FAM167A: variants seen among roughly 807,000 people sequenced by gnomAD.
The protein encoded by FAM167A is protein FAM167A.
In FAM167A, 23 loss-of-function variants were observed where a neutral mutation model predicts 14.9. The observed-to-expected ratio is 1.55, with a 90% CI of 1.11 to 2.19. FAM167A has a LOEUF of 2.19. Ranked by LOEUF, FAM167A falls within the 30% of genes most tolerant of loss-of-function variation. The pLI is 0.00. For missense variants in FAM167A, 401 were observed against 281.5 expected, an observed-to-expected ratio of 1.42 and a Z score of -3.04; for synonymous variants, 174 against 117.7, an observed-to-expected ratio of 1.48 and a Z score of -3.10.
chr8:11,461,311 A>G (rs1426944983), intron 1 of FAM167A, among the ~76,000 whole-genome samples: 3 of 151,928 alleles, frequency 2.0e-5, no homozygotes, highest in East Asian at 3.9e-4. Context: ...TAGCCATGGG[A>G]AAAAAAGAGA....
intron 2 of FAM167A, chr8:11,438,591 G>A (rs544071294): frequency 3.7e-5 from 16 of 431,062 alleles, no homozygotes; most frequent in East Asian, 2.8e-4. Context: ...TGGAAACTTC[G>A]AAAACTATAA....
In FAM167A at chr8:11,426,676, G is replaced by T. The variant is rs541108930; in HGVS notation, c.382-2040C>A. 4.6e-5 allele frequency among the ~76,000 whole-genome samples: 7 copies of T among 152,290 alleles called. No individual in the cohort carries two copies. The East Asian group carries it at 7.7e-4, about 17-fold the overall frequency. On this transcript the variant is annotated intron_variant, in intron 2 of 2. Coordinates refer to ENST00000284486, the MANE Select transcript of FAM167A (RefSeq NM_053279.3). ...GGAGTGGATACTGGGGGAAGAGGAAGAAATTTTTTAAAGGTGTAGGTAGAT... is the reference window on the plus strand; with the variant it reads ...GGAGTGGATACTGGGGGAAGAGGAATAAATTTTTTAAAGGTGTAGGTAGAT...
At chr8:11,472,317 C>A (rs1030432012), upstream of FAM167A, among the ~76,000 whole-genome samples, 4 of 152,068 alleles carry the variant, frequency 2.6e-5, no homozygotes, top group African/African-American at 9.7e-5. Context: ...CTTGTAAGAA[C>A]ATCTTCTAGA....
At position 11,424,090 on chromosome 8, in the gene FAM167A, A is replaced by T; in HGVS notation, c.*283T>A. The T allele has an allele frequency of 2.6e-6, 1 of 391,620 alleles. No homozygotes were observed. Among genetic ancestry groups the T allele is most frequent in the Non-Finnish European group, 4.7e-6 (1 of 213,456 alleles). The allele number at this position is 391,620 out of a possible 1,614,324, so 24.3% of individuals were successfully genotyped here. A position where few individuals can be genotyped will look rare whatever the true frequency, so the allele number is the denominator to read the frequency against. On this transcript the variant is annotated 3_prime_UTR_variant, in exon 3 of 3. Transcript: ENST00000284486. ...CAGGAACGTGACCGTGGAGGGATGG[A>T]TTATGGTGGGAACCCAGGTCTCCTT...
rs977074953 is a variant in FAM167A, at chr8:11,445,469, G to C, written c.-397-661C>G. On this transcript the variant is annotated intron_variant, in intron 1 of 2. Coordinates refer to ENST00000284486, the MANE Select transcript of FAM167A (RefSeq NM_053279.3). ...AATAAACCTGCAGCTGTGGAGGGAAGAAGGCGGTGGCACCTGGGCTGGATG... is the reference window on the plus strand; with the variant it reads ...AATAAACCTGCAGCTGTGGAGGGAACAAGGCGGTGGCACCTGGGCTGGATG... 5 of 985,812 alleles carry C rather than the reference G, an allele frequency of 5.1e-6. No homozygotes were observed. In the South Asian group the frequency reaches 1.9e-4, roughly 37 times the overall value. The allele number at this position is 985,812 out of a possible 1,614,324, so 61.1% of individuals were successfully genotyped here.
Position 11,424,383 on chromosome 8 carries a change from G to A in FAM167A, c.635C>T (p.Ser212Phe), listed in dbSNP as rs1279846866. Reference sequence around the variant, plus strand: ...CAGTCTGAGGGCTCCTCAGCAGAGAGAGAACCTCCGAGAGTTGATGTTCAT... The same window carrying A: ...CAGTCTGAGGGCTCCTCAGCAGAGAAAGAACCTCCGAGAGTTGATGTTCAT... ...TKMNINSRRF[S>F]LC is the part of the protein sequence containing the mutation. Residue 212 changes from serine (S) to phenylalanine (F), a missense_variant, in exon 3 of 3, where the codon TCT (serine) becomes TTT (phenylalanine). Transcript: ENST00000284486. 6.2e-7 allele frequency: 1 copy of A among 1,614,114 alleles called. No individual in the cohort carries two copies. The highest frequency in any genetic ancestry group is 8.5e-7 in the Non-Finnish European group (1 of 1,180,012).
intron 2 of FAM167A, among the ~76,000 whole-genome samples, chr8:11,426,633 T>G (rs1182756700): frequency 6.6e-6 from 1 of 152,146 alleles, no homozygotes; most frequent in Non-Finnish European, 1.5e-5. Flanking sequence ...TTTGAGGGCC[T>G]TAATATTTAA....
At chr8:11,433,555 G>C (rs1805766810) in intron 2 of FAM167A, among the ~76,000 whole-genome samples, 1 of 152,186 alleles carries the variant, frequency 6.6e-6, no homozygotes, top group Admixed American at 6.5e-5. Flanking sequence ...CATCTTTAAA[G>C]CTGGCTTGAG....
intron 1 of FAM167A, among the ~76,000 whole-genome samples, chr8:11,475,172 C>T (rs893346484): frequency 6.6e-6 from 1 of 152,194 alleles, no homozygotes; most frequent in Non-Finnish European, 1.5e-5. Context: ...CAAGGCCCAC[C>T]GTGGTGCCCC....
chr8:11,453,949 A>C (rs1047276659), intron 1 of FAM167A, among the ~76,000 whole-genome samples: 1 of 152,188 alleles, frequency 6.6e-6, no homozygotes, highest in South Asian at 2.1e-4. Flanking sequence ...TACTGCCCAC[A>C]CTCCTTGGGG....
chr8:11,444,444 G>A lies in FAM167A; in HGVS notation c.-33C>T. 1 of 1,513,736 alleles carries A rather than the reference G, an allele frequency of 6.6e-7. No homozygotes were observed. Among genetic ancestry groups the A allele is most frequent in the Non-Finnish European group, 8.8e-7 (1 of 1,132,098 alleles). The allele number at this position is 1,513,736 out of a possible 1,614,324, so 93.8% of individuals were successfully genotyped here. A position where few individuals can be genotyped will look rare whatever the true frequency, so the allele number is the denominator to read the frequency against. ...TCTGCCCTGGCAGCCGGACATGCGA[G>A]GGCACGGGGGGCGCAGGGGGAGGCT... is the stretch of plus-strand genomic sequence containing the variant. On this transcript the variant is annotated 5_prime_UTR_variant, in exon 2 of 3. Transcript: ENST00000284486.
intron 2 of FAM167A, among the ~76,000 whole-genome samples, chr8:11,437,851 C>T (rs1185137018): frequency 1.4e-5 from 2 of 147,774 alleles, no homozygotes; most frequent in African/African-American, 5.4e-5. Flanking sequence ...CGTGGACAGG[C>T]ATGGATCTGG....
At chr8:11,443,168 C>T (rs566376713) in intron 2 of FAM167A, among the ~76,000 whole-genome samples, 1 of 152,298 alleles carries the variant, frequency 6.6e-6, no homozygotes, top group African/African-American at 2.4e-5. Context: ...GTAGGGTTAG[C>T]TTCATGCCTG....
chr8:11,462,215 AAAGGGATGGAGC>A (rs1175114698), intron 1 of FAM167A, among the ~76,000 whole-genome samples: 1 of 152,152 alleles, frequency 6.6e-6, no homozygotes, highest in African/African-American at 2.4e-5. Context: ...GGAGCAGGAG[AAAGGGATGGAGC>A]AAGTTAGAAC....
intron 2 of FAM167A, 114 bp from the exon 3 acceptor site, chr8:11,424,750 A>G: frequency 7.1e-7 from 1 of 1,412,446 alleles, no homozygotes; most frequent in Non-Finnish European, 9.5e-7. Flanking sequence ...TGGTCCATCT[A>G]GAAATATTAG....
At chr8:11,461,533 C>A (rs1249273757) in intron 1 of FAM167A, among the ~76,000 whole-genome samples, 1 of 152,192 alleles carries the variant, frequency 6.6e-6, no homozygotes, top group Non-Finnish European at 1.5e-5. Context: ...CAGCGCAGGC[C>A]GGTACCCTGG....
At position 11,422,883 on chromosome 8, in the gene FAM167A, A is replaced by T. The variant is rs763853109; in HGVS notation, c.*1490T>A. 2.0e-5 allele frequency: 3 copies of T among 152,602 alleles called. No individual in the cohort carries two copies. The highest frequency in any genetic ancestry group is 4.4e-5 in the Non-Finnish European group (3 of 68,048). 9.5% of individuals were successfully genotyped at this position (152,602 alleles called of 1,614,324 possible). ...TCAGTGCCTTGCTCCACCTTGACCCAAATGTTCTGAATTGCAATACTCTGG... is the reference window on the plus strand; with the variant it reads ...TCAGTGCCTTGCTCCACCTTGACCCTAATGTTCTGAATTGCAATACTCTGG... On this transcript the variant is annotated 3_prime_UTR_variant, in exon 3 of 3. Transcript: ENST00000284486.
chr8:11,464,373 T>G (rs934355294), intron 1 of FAM167A, among the ~76,000 whole-genome samples: 1 of 151,940 alleles, frequency 6.6e-6, no homozygotes, highest in Non-Finnish European at 1.5e-5. Context: ...ACTCTACAGG[T>G]GATTGCAGAG....
chr8:11,463,112 C>A (rs115221989), intron 1 of FAM167A, among the ~76,000 whole-genome samples: 519 of 152,258 alleles, frequency 3.4e-3, no homozygotes, highest in African/African-American at 0.012. Context: ...AAAATGTGTA[C>A]GTCTGGCAGA....
Sources: gnomAD v4.1 joint callset for allele counts (sites outside exome capture counted in the v4.1 genomes callset) on GRCh38, gnomAD v4.1.1 for gene constraint, MANE v1.5 for transcripts, NCBI Gene and HGNC (gene_info 2026-07-23, HGNC 2026-07-21) for gene names.